Variants in CCDC91 observed in about 807,000 individuals in gnomAD.
CCDC91 encodes coiled-coil domain-containing protein 91.
CCDC91 carries 48 observed loss-of-function variants against 63.2 expected under a neutral mutation model. That is an observed-to-expected ratio of 0.76 (90% CI 0.60 to 0.97). The LOEUF (loss-of-function observed/expected upper bound fraction) is 0.97. Among genes scored for constraint, CCDC91 ranks in the 50% least tolerant of loss-of-function variants. The pLI is 0.00. For synonymous variants in CCDC91, 167 were observed against 165.8 expected, an observed-to-expected ratio of 1.01 and a Z score of -0.06; for missense variants, 500 against 494.6, an observed-to-expected ratio of 1.01 and a Z score of -0.10.
At position 28,499,653 on chromosome 12, in the gene CCDC91, G is replaced by A. The variant is rs865850224; in HGVS notation, c.1215+15488G>A. 1.3e-3 allele frequency among the ~76,000 whole-genome samples: 202 copies of A among 152,178 alleles called. 1 individual carries two copies. Among genetic ancestry groups the A allele is most frequent in the African/African-American group, 4.7e-3 (197 of 41,530 alleles). Reference sequence around the variant, plus strand: ...AATAATGGTTTCCAGCTTCATCCATGTCCCTGCAAAGGACATGAACTCATC... The same window carrying A: ...AATAATGGTTTCCAGCTTCATCCATATCCCTGCAAAGGACATGAACTCATC... On this transcript the variant is annotated intron_variant, in intron 12 of 12. Coordinates refer to ENST00000536442, the MANE Select transcript of CCDC91 (RefSeq NM_018318.5).
At chr12:28,375,147 AT>A (rs1944866150) in intron 7 of CCDC91, among the ~76,000 whole-genome samples, 1 of 151,518 alleles carries the variant, frequency 6.6e-6, no homozygotes, top group African/African-American at 2.4e-5. Context: ...TTTTTAAACT[AT>A]TTTAGTTTCT....
chr12:28,338,021 G>C (rs1343714300), intron 6 of CCDC91, among the ~76,000 whole-genome samples: 1 of 152,120 alleles, frequency 6.6e-6, no homozygotes, highest in South Asian at 2.1e-4. Flanking sequence ...CTGAACCCAA[G>C]AGACAGAAGT....
At chr12:28,316,352 AAAT>A (rs758651110) in intron 6 of CCDC91, among the ~76,000 whole-genome samples, 113 of 151,590 alleles carry the variant, frequency 7.5e-4, no homozygotes, top group Non-Finnish European at 1.3e-3. Flanking sequence ...TCTTTAGTTT[AAAT>A]AATCATTTCT....
At chr12:28,331,143 G>T (rs1220596218) in intron 6 of CCDC91, among the ~76,000 whole-genome samples, 3 of 152,206 alleles carry the variant, frequency 2.0e-5, no homozygotes, top group Non-Finnish European at 4.4e-5. Context: ...GAAATATTCT[G>T]AGGCAAAGAC....
intron 8 of CCDC91, among the ~76,000 whole-genome samples, chr12:28,412,257 A>G (rs1282793479): frequency 8.5e-5 from 13 of 152,186 alleles, no homozygotes; most frequent in Admixed American, 8.5e-4. Flanking sequence ...TAAGTGATGC[A>G]TGAATGTATT....
intron 6 of CCDC91, among the ~76,000 whole-genome samples, chr12:28,345,001 T>C (rs1942705421): frequency 6.6e-6 from 1 of 152,144 alleles, no homozygotes; most frequent in South Asian, 2.1e-4. Flanking sequence ...TTGAGTTAGG[T>C]TTCTAAGATA....
intron 4 of CCDC91, 65 bp from the exon 5 acceptor site, chr12:28,306,677 T>C (rs945745900): frequency 4.0e-5 from 45 of 1,117,854 alleles, no homozygotes; most frequent in Non-Finnish European, 5.4e-5. Flanking sequence ...GCCCTTTGGA[T>C]GTTTTCATTA....
intron 11 of CCDC91, among the ~76,000 whole-genome samples, chr12:28,476,889 G>C (rs1258934358): frequency 6.6e-6 from 1 of 152,082 alleles, no homozygotes; most frequent in Non-Finnish European, 1.5e-5. Flanking sequence ...ATAAATTCCT[G>C]GACACATACA....
At chr12:28,460,998 A>G (rs539843152) in intron 11 of CCDC91, among the ~76,000 whole-genome samples, 27 of 152,016 alleles carry the variant, frequency 1.8e-4, no homozygotes, top group Non-Finnish European at 3.1e-4. Flanking sequence ...ACAGCCTACC[A>G]CACACTTAGG....
At chr12:28,332,947 A>ATC (rs1467648402) in intron 6 of CCDC91, among the ~76,000 whole-genome samples, 3 of 152,142 alleles carry the variant, frequency 2.0e-5, no homozygotes, top group African/African-American at 7.2e-5. Flanking sequence ...AAACAGTGAA[A>ATC]TCACAGCAGT....
intron 6 of CCDC91, among the ~76,000 whole-genome samples, chr12:28,321,218 C>T (rs1263433373): frequency 6.6e-6 from 1 of 151,778 alleles, no homozygotes; most frequent in Non-Finnish European, 1.5e-5. Flanking sequence ...TCTGACCCTT[C>T]TGGTTAAAGT....
intron 8 of CCDC91, among the ~76,000 whole-genome samples, chr12:28,404,066 T>A (rs570143716): frequency 6.6e-6 from 1 of 152,026 alleles, no homozygotes; most frequent in East Asian, 1.9e-4. Context: ...TATTTTAGAT[T>A]TAATTTACTC....
chr12:28,376,411 C>G (rs550880897), intron 7 of CCDC91, among the ~76,000 whole-genome samples: 1 of 151,586 alleles, frequency 6.6e-6, no homozygotes, highest in South Asian at 2.1e-4. Flanking sequence ...GTTTTTAATA[C>G]TTAAGAAAAA....
intron 3 of CCDC91, among the ~76,000 whole-genome samples, chr12:28,289,648 T>C (rs952934628): frequency 2.6e-5 from 4 of 151,720 alleles, no homozygotes; most frequent in African/African-American, 9.7e-5. Flanking sequence ...GAAGAATGTG[T>C]ATTCTGCTGT....
chr12:28,407,627 TACA>T (rs903975308), intron 8 of CCDC91, among the ~76,000 whole-genome samples: 47 of 152,330 alleles, frequency 3.1e-4, no homozygotes, highest in African/African-American at 1.1e-3. Context: ...AAGCAATTTC[TACA>T]ACAAGGCCTG....
At chr12:28,234,808 CTTCTT>C (rs1281253326) in intron 1 of CCDC91, among the ~76,000 whole-genome samples, 4 of 150,682 alleles carry the variant, frequency 2.7e-5, no homozygotes, top group African/African-American at 7.3e-5. Context: ...AATTGTCAGT[CTTCTT>C]TTCTATTGTT....
intron 6 of CCDC91, among the ~76,000 whole-genome samples, chr12:28,348,884 T>C (rs925831678): frequency 2.0e-5 from 3 of 152,020 alleles, no homozygotes; most frequent in Admixed American, 6.6e-5. Flanking sequence ...CCACCGTGTC[T>C]GACTAATTTT....
rs1437976837 is a variant in CCDC91, at chr12:28,267,944, AATT to A, written c.109+8508_109+8510del. Among the ~76,000 whole-genome samples, 80 of 103,692 alleles carry A rather than the reference AATT, an allele frequency of 7.7e-4. 1 individual carries two copies. In the South Asian group the frequency reaches 0.015, roughly 19 times the overall value. 68.0% of individuals were successfully genotyped at this position (103,692 alleles called of 152,430 possible). On this transcript the variant is annotated intron_variant, in intron 3 of 12. Transcript: ENST00000536442. ...ATTATAATTATATATAATTATATAT[AATT>A]ATTATATATAATTATATATAATTAA...
chr12:28,266,624 C>A (rs1052305975), intron 3 of CCDC91, among the ~76,000 whole-genome samples: 2 of 151,908 alleles, frequency 1.3e-5, no homozygotes, highest in African/African-American at 2.4e-5. Context: ...AATTACTGTT[C>A]ACATTGCTTT....
Sources: gnomAD v4.1 joint callset for allele counts (sites outside exome capture counted in the v4.1 genomes callset) on GRCh38, gnomAD v4.1.1 for gene constraint, MANE v1.5 for transcripts, NCBI Gene and HGNC (gene_info 2026-07-23, HGNC 2026-07-21) for gene names.